EGF: variants seen among roughly 807,000 people sequenced by gnomAD.
EGF encodes pro-epidermal growth factor.
Under a neutral mutation model 143.8 loss-of-function variants are expected in EGF, and 95 were observed. The observed-to-expected ratio is 0.66, with a 90% CI of 0.56 to 0.78. The LOEUF (loss-of-function observed/expected upper bound fraction) is 0.78. EGF is among the 30% of genes least tolerant of loss of function. EGF has a pLI of 0.00. For missense variants in EGF, 1,320 were observed against 1,470.9 expected, an observed-to-expected ratio of 0.90 and a Z score of 1.68; for synonymous variants, 510 against 510.5, an observed-to-expected ratio of 1.00 and a Z score of 0.01.
At chr4:109,978,349 G>A (rs1748825267) in intron 13 of EGF, among the ~76,000 whole-genome samples, 1 of 152,146 alleles carries the variant, frequency 6.6e-6, no homozygotes, top group Non-Finnish European at 1.5e-5. Context: ...AATTAATTGT[G>A]GTTCTTCTGT....
chr4:109,964,525 T>C lies in EGF; in HGVS notation c.1563T>C (p.Pro521=). The C allele has an allele frequency of 6.2e-7, 1 of 1,613,862 alleles. No homozygotes were observed. Among genetic ancestry groups the C allele is most frequent in the Non-Finnish European group, 8.5e-7 (1 of 1,179,768 alleles). ...TGGTTTATGCCCTAGATCATGACCC[T>C]GTGGAAAATAAGGTATGGTTTTGTT... The part of the protein sequence containing the change: ...MGMVYALDHD[P]VENKIYFAHT... Residue 521 remains proline, a synonymous_variant, in exon 10 of 24, where the codon CCT becomes CCC. Coordinates refer to ENST00000265171, the MANE Select transcript of EGF (RefSeq NM_001963.6).
In EGF at chr4:109,960,722, C is replaced by A. The variant is rs527379190; in HGVS notation, c.1067-145C>A. The A allele has an allele frequency of 9.4e-6, 8 of 849,676 alleles. No individual in the cohort carries two copies. The African/African-American group carries it at 1.0e-4, about 11-fold the overall frequency. The allele number at this position is 849,676 out of a possible 1,614,324, so 52.6% of individuals were successfully genotyped here. A position where few individuals can be genotyped will look rare whatever the true frequency, so the allele number is the denominator to read the frequency against. On this transcript the variant is annotated intron_variant, in intron 6 of 23. Transcript: ENST00000265171. ...TTTAATTGACTTATTTTACCCTTTG[C>A]TAGAGTATGGAAAACAGACTTTCCA...
At chr4:109,914,864 T>C (rs866735620) in intron 1 of EGF, among the ~76,000 whole-genome samples, 2 of 152,186 alleles carry the variant, frequency 1.3e-5, no homozygotes, top group Admixed American at 6.6e-5. Flanking sequence ...GGGAGAATTT[T>C]CCGTGGAGTA....
intron 1 of EGF, among the ~76,000 whole-genome samples, chr4:109,915,328 A>T (rs749759826): frequency 1.3e-5 from 2 of 152,202 alleles, no homozygotes; most frequent in Non-Finnish European, 2.9e-5. Flanking sequence ...TTTTGTGGGG[A>T]ATCACATGAG....
chr4:109,946,684 T>G (rs1742920995), intron 5 of EGF, among the ~76,000 whole-genome samples: 1 of 152,214 alleles, frequency 6.6e-6, no homozygotes, highest in Non-Finnish European at 1.5e-5. Context: ...TTTGTTTGTT[T>G]TTTTAGCCAC....
intron 1 of EGF, among the ~76,000 whole-genome samples, chr4:109,929,190 G>A (rs11568861): frequency 1.4e-3 from 208 of 152,264 alleles, no homozygotes; most frequent in Admixed American, 2.7e-3. Flanking sequence ...ATTCAGATAA[G>A]CAGTATAGCT....
intron 1 of EGF, among the ~76,000 whole-genome samples, chr4:109,938,540 T>C (rs190428063): frequency 1.3e-5 from 2 of 152,350 alleles, no homozygotes; most frequent in Admixed American, 6.5e-5. Flanking sequence ...TCATTCTTTG[T>C]CCAGTTTTGT....
At chr4:109,986,585 T>G (rs1303854325) in intron 16 of EGF, among the ~76,000 whole-genome samples, 1 of 152,108 alleles carries the variant, frequency 6.6e-6, no homozygotes, top group African/African-American at 2.4e-5. Flanking sequence ...ATCGGCAAGT[T>G]TGGAGGGCTT....
At chr4:110,006,594 C>T (rs1039686040) in intron 22 of EGF, among the ~76,000 whole-genome samples, 1 of 152,198 alleles carries the variant, frequency 6.6e-6, no homozygotes, top group Non-Finnish European at 1.5e-5. Flanking sequence ...TTCTAAATTA[C>T]CCAGATGTCA....
chr4:109,994,511 C>T (rs1242623451), intron 19 of EGF, among the ~76,000 whole-genome samples: 1 of 152,144 alleles, frequency 6.6e-6, no homozygotes, highest in African/African-American at 2.4e-5. Flanking sequence ...CTCCAATATG[C>T]TTTATGTATC....
rs771028435 is a variant in EGF, at chr4:109,988,604, G to A, written c.2629G>A (p.Gly877Ser). The A allele has an allele frequency of 6.2e-7, 1 of 1,614,024 alleles. No homozygotes were observed. Among genetic ancestry groups the A allele is most frequent in the East Asian group, 2.2e-5 (1 of 44,882 alleles). Residue 877 changes from glycine to serine, a missense_variant, in exon 18 of 24, where the codon GGT becomes AGT. Around this residue, in one of 5 missense-constraint regions of EGF, gnomAD observed 1,186 missense variants for 1,313.7 expected, o/e 0.90. Coordinates refer to ENST00000265171, the MANE Select transcript of EGF (RefSeq NM_001963.6). ...CACAGATATAGATGAATGTGAGATGGGTGTCCCAGTGTGCCCCCCTGCCTC... is the reference window on the plus strand; with the variant it reads ...CACAGATATAGATGAATGTGAGATGAGTGTCCCAGTGTGCCCCCCTGCCTC... ...LCSDIDECEM[G>S]VPVCPPASSK... is the part of the protein sequence containing the mutation.
chr4:109,947,846 A>C (rs1743106982), intron 5 of EGF, among the ~76,000 whole-genome samples: 2 of 152,180 alleles, frequency 1.3e-5, no homozygotes, highest in South Asian at 4.1e-4. Context: ...TTGTCACAGC[A>C]ATGTTGTGAG....
rs1748765117 is a variant in EGF, at chr4:109,977,982, G to A, written c.2053+1747G>A. ...AACTAAAAAGCATAGCAGATACTTT[G>A]TGTATCATTTATATTGCTACTATAT... is the stretch of plus-strand genomic sequence containing the variant. On this transcript the variant is annotated intron_variant, in intron 13 of 23. Coordinates refer to ENST00000265171, the MANE Select transcript of EGF (RefSeq NM_001963.6). Among the ~76,000 whole-genome samples the A allele has an allele frequency of 2.6e-5, 4 of 152,194 alleles. No individual in the cohort carries two copies. The South Asian group carries it at 8.3e-4, about 32-fold the overall frequency.
At chr4:109,953,895 G>A (rs1579591409) in intron 5 of EGF, among the ~76,000 whole-genome samples, 1 of 152,148 alleles carries the variant, frequency 6.6e-6, no homozygotes. Context: ...TTTTTAAAAT[G>A]TATTTTTAAT....
rs769513396 is a variant in EGF, at chr4:109,969,079, G to C, written c.1684G>C (p.Val562Leu). The C allele has an allele frequency of 2.8e-5, 45 of 1,614,046 alleles. No homozygotes were observed. In the African/African-American group the frequency reaches 5.3e-4, roughly 19 times the overall value. The part of the protein sequence containing the change: ...EGVDVPEGLA[V>L]DWIGRRFYWT... ...AGTAGATGTGCCAGAAGGTCTTGCT[G>C]TGGACTGGATTGGCCGTAGATTCTA... Residue 562 changes from valine to leucine, a missense_variant, in exon 11 of 24, where the codon GTG (valine) becomes CTG (leucine). By Grantham distance (32) the Val-to-Leu change is conservative. Coordinates refer to ENST00000265171, the MANE Select transcript of EGF (RefSeq NM_001963.6).
In EGF at chr4:109,961,001, C is replaced by A. The variant is rs943096807; in HGVS notation, c.1189+12C>A. On this transcript the variant is annotated intron_variant, in intron 7 of 23. Transcript: ENST00000265171. The stretch of plus-strand genomic sequence containing the variant: ...GAAACGATGTCATCGTAAGTTATAG[C>A]AACAAGTATTTATTGCATTAGTTTT... 6.2e-7 allele frequency: 1 copy of A among 1,613,620 alleles called. No individual in the cohort carries two copies. The highest frequency in any genetic ancestry group is 8.5e-7 in the Non-Finnish European group (1 of 1,179,688).
intron 16 of EGF, among the ~76,000 whole-genome samples, chr4:109,987,331 T>C (rs1187901166): frequency 6.6e-6 from 1 of 152,048 alleles, no homozygotes; most frequent in Non-Finnish European, 1.5e-5. Context: ...TTTGACAGTG[T>C]CTCACTTTGT....
chr4:109,965,486 AG>A (rs1407439167), intron 10 of EGF, among the ~76,000 whole-genome samples: 1 of 152,192 alleles, frequency 6.6e-6, no homozygotes, highest in African/African-American at 2.4e-5. Flanking sequence ...ATGGTTCCAT[AG>A]AACAGTTACA....
chr4:109,959,188 C>T, intron 5 of EGF, 124 bp from the exon 6 acceptor site: 2 of 1,487,330 alleles, frequency 1.3e-6, no homozygotes, highest in Non-Finnish European at 1.8e-6. Flanking sequence ...CTAAGTTTGC[C>T]TCCGTGAGAG....
Sources: gnomAD v4.1 joint callset for allele counts (sites outside exome capture counted in the v4.1 genomes callset) on GRCh38, gnomAD v4.1.1 for gene constraint, gnomAD v4.1.1 regional missense constraint, MANE v1.5 for transcripts, NCBI Gene and HGNC (gene_info 2026-07-23, HGNC 2026-07-21) for gene names.